MEIKIN: variants seen among roughly 807,000 people sequenced by gnomAD.
MEIKIN encodes the protein meiosis-specific kinetochore protein.
At chr5:131,872,009 A>G (rs1023710273) in intron 9 of MEIKIN, among the ~76,000 whole-genome samples, 2 of 152,180 alleles carry the variant, frequency 1.3e-5, no homozygotes, top group Non-Finnish European at 2.9e-5. Context: ...CGTCACCATC[A>G]TCAAAGACCA....
chr5:131,909,897 G>T (rs564012518), intron 8 of MEIKIN, among the ~76,000 whole-genome samples: 15 of 152,162 alleles, frequency 9.9e-5, no homozygotes, highest in African/African-American at 3.6e-4. Context: ...TTAAAATGGC[G>T]TTTATCCAAA....
chr5:131,857,225 C>T (rs942020911), intron 9 of MEIKIN, among the ~76,000 whole-genome samples: 1 of 152,130 alleles, frequency 6.6e-6, no homozygotes, highest in Non-Finnish European at 1.5e-5. Flanking sequence ...AAAAACATTT[C>T]CAGCACTTCT....
chr5:131,893,233 C>A (rs1750966401), intron 8 of MEIKIN, among the ~76,000 whole-genome samples: 1 of 151,860 alleles, frequency 6.6e-6, no homozygotes. Context: ...CTGTGGTGGG[C>A]TCCACCCAGT....
intron 5 of MEIKIN, among the ~76,000 whole-genome samples, 173 bp from the exon 6 acceptor site, chr5:131,922,114 C>G (rs904667088): frequency 2.0e-5 from 3 of 152,166 alleles, no homozygotes; most frequent in South Asian, 4.1e-4. Flanking sequence ...AGTAAATAAT[C>G]TATAGTCTAT....
At chr5:131,857,463 C>T (rs547625283) in intron 9 of MEIKIN, among the ~76,000 whole-genome samples, 1 of 152,124 alleles carries the variant, frequency 6.6e-6, no homozygotes, top group Admixed American at 6.5e-5. Flanking sequence ...CAGAGTAGGG[C>T]AGTCTTGTCC....
At chr5:131,908,451 T>C (rs1405607898) in intron 8 of MEIKIN, among the ~76,000 whole-genome samples, 4 of 152,180 alleles carry the variant, frequency 2.6e-5, no homozygotes. Context: ...AGCCAATATA[T>C]GACAGACCTA....
intron 5 of MEIKIN, among the ~76,000 whole-genome samples, chr5:131,926,849 T>C (rs1449104546): frequency 6.6e-6 from 1 of 152,222 alleles, no homozygotes; most frequent in Non-Finnish European, 1.5e-5. Flanking sequence ...TTTGTTTCTG[T>C]GGCATCAGGT....
At chr5:131,817,628 T>A (rs1423443950) in intron 12 of MEIKIN, among the ~76,000 whole-genome samples, 2 of 129,762 alleles carry the variant, frequency 1.5e-5, no homozygotes, top group Non-Finnish European at 3.4e-5. Flanking sequence ...AAAAAAAAAA[T>A]CCCCTCTCAT....
chr5:131,902,522 T>C (rs564379440), intron 8 of MEIKIN, among the ~76,000 whole-genome samples: 4 of 152,112 alleles, frequency 2.6e-5, no homozygotes, highest in African/African-American at 9.7e-5. Context: ...TACATCATGC[T>C]TCCTGTACAG....
chr5:131,889,781 G>T (rs1415315141), intron 8 of MEIKIN, among the ~76,000 whole-genome samples: 2 of 152,046 alleles, frequency 1.3e-5, no homozygotes, highest in Non-Finnish European at 2.9e-5. Context: ...GGCATCTTTG[G>T]CTTGTGCCAG....
At chr5:131,908,521 A>G (rs1006190572) in intron 8 of MEIKIN, among the ~76,000 whole-genome samples, 3 of 152,188 alleles carry the variant, frequency 2.0e-5, no homozygotes, top group Admixed American at 6.5e-5. Context: ...ACCTGGAAGA[A>G]GACACGATGC....
intron 11 of MEIKIN, among the ~76,000 whole-genome samples, chr5:131,843,140 T>C (rs189017346): frequency 2.4e-4 from 37 of 152,374 alleles, no homozygotes; most frequent in African/African-American, 8.7e-4. Flanking sequence ...TAGGGCGCCA[T>C]GTCCCAAGGC....
intron 11 of MEIKIN, among the ~76,000 whole-genome samples, chr5:131,831,348 G>A (rs1161502764): frequency 6.6e-6 from 1 of 152,152 alleles, no homozygotes; most frequent in Non-Finnish European, 1.5e-5. Flanking sequence ...TCAGGAGTTT[G>A]AGACCAGTCT....
intron 11 of MEIKIN, among the ~76,000 whole-genome samples, chr5:131,825,023 G>GAA (rs1021852453): frequency 6.7e-6 from 1 of 149,266 alleles, no homozygotes; most frequent in Non-Finnish European, 1.5e-5. Context: ...TCATTTTACT[G>GAA]AAAAAAAAAG....
chr5:131,863,571 T>TTTTTTTTTTTTTTTTTTTC lies in MEIKIN; in HGVS notation c.775-8738_775-8737insGAAAAAAAAAAAAAAAAAA, dbSNP rs1750326932. Among the ~76,000 whole-genome samples, 3 of 146,260 alleles carry TTTTTTTTTTTTTTTTTTTC rather than the reference T, an allele frequency of 2.1e-5. 1 individual carries two copies. Among genetic ancestry groups the TTTTTTTTTTTTTTTTTTTC allele is most frequent in the African/African-American group, 7.9e-5 (3 of 37,786 alleles). ...CCTTCTTTGTCCTTTTTTTTTTTTT[T>TTTTTTTTTTTTTTTTTTTC]TTTTTTTTTTTTACTGTTTTTGACT... On this transcript the variant is annotated intron_variant, in intron 9 of 12. Transcript: ENST00000442687.
At chr5:131,886,571 G>A (rs1039321578) in intron 8 of MEIKIN, among the ~76,000 whole-genome samples, 1 of 152,132 alleles carries the variant, frequency 6.6e-6, no homozygotes, top group African/African-American at 2.4e-5. Flanking sequence ...TATCCTTTAA[G>A]CACCAAGGAG....
chr5:131,886,394 G>C (rs1750795666), intron 8 of MEIKIN, among the ~76,000 whole-genome samples: 1 of 152,052 alleles, frequency 6.6e-6, no homozygotes, highest in African/African-American at 2.4e-5. Context: ...CAAGGATAAA[G>C]AAAAGATCTT....
At chr5:131,942,494 A>G (rs117090415) in intron 4 of MEIKIN, 141 bp downstream of exon 4, 36 of 386,260 alleles carry the variant, frequency 9.3e-5, no homozygotes, top group East Asian at 7.4e-4. Flanking sequence ...TGAGATCTAT[A>G]GCACAGTCAG....
intron 4 of MEIKIN, among the ~76,000 whole-genome samples, chr5:131,935,278 A>AG (rs1751758419): frequency 6.6e-6 from 1 of 150,478 alleles, no homozygotes; most frequent in South Asian, 2.1e-4. Context: ...AAAAAAAAAA[A>AG]AAAAAAAAAA....
Sources: allele counts gnomAD v4.1 joint callset (sites outside exome capture counted in the v4.1 genomes callset), GRCh38; gene constraint gnomAD v4.1.1; transcripts MANE v1.5; gene names NCBI Gene and HGNC (gene_info 2026-07-23, HGNC 2026-07-21).